ABTB3: variants seen among roughly 807,000 people sequenced by gnomAD.
The protein encoded by ABTB3 is ankyrin repeat- and BTB/POZ domain-containing protein 3.
the ABTB3 span, chr12:107,319,035 C>T: frequency 6.2e-6 from 10 of 1,613,820 alleles, no homozygotes; most frequent in Non-Finnish European, 8.5e-6. Context: ...GTGCGCTCCT[C>T]CAACTTGTCT....
the ABTB3 span, among the ~76,000 whole-genome samples, chr12:107,511,820 C>CT: frequency 6.6e-6 from 1 of 152,134 alleles, no homozygotes; most frequent in Non-Finnish European, 1.5e-5. Flanking sequence ...GAATCAGAGA[C>CT]TGGAAAGCAT....
chr12:107,563,947 A>G, the ABTB3 span, among the ~76,000 whole-genome samples: 3 of 152,212 alleles, frequency 2.0e-5, no homozygotes, highest in Non-Finnish European at 4.4e-5. Context: ...CTATAATTGG[A>G]CGACCAGATT....
At chr12:107,432,342 G>C in the ABTB3 span, among the ~76,000 whole-genome samples, 1 of 152,190 alleles carries the variant, frequency 6.6e-6, no homozygotes, top group South Asian at 2.1e-4. Flanking sequence ...AGACACTGTG[G>C]TACATTTTTA....
chr12:107,628,173 T>G, the ABTB3 span, among the ~76,000 whole-genome samples: 5 of 152,092 alleles, frequency 3.3e-5, no homozygotes, highest in Admixed American at 3.3e-4. Flanking sequence ...GGACTTTCAC[T>G]CTTGTCACTC....
the ABTB3 span, among the ~76,000 whole-genome samples, chr12:107,618,833 C>G: frequency 6.6e-6 from 1 of 152,226 alleles, no homozygotes; most frequent in Non-Finnish European, 1.5e-5. Context: ...GCACCCAACT[C>G]CACGAAGCAG....
At chr12:107,541,208 G>T in the ABTB3 span, among the ~76,000 whole-genome samples, 1 of 152,200 alleles carries the variant, frequency 6.6e-6, no homozygotes, top group Non-Finnish European at 1.5e-5. Flanking sequence ...AGCCTTCGGA[G>T]GAGAAACTCC....
At chr12:107,425,048 C>T in the ABTB3 span, among the ~76,000 whole-genome samples, 1 of 152,156 alleles carries the variant, frequency 6.6e-6, no homozygotes, top group Non-Finnish European at 1.5e-5. Context: ...TCATCTCACA[C>T]CCTCGATTGC....
At chr12:107,326,488 C>T in the ABTB3 span, among the ~76,000 whole-genome samples, 2 of 152,214 alleles carry the variant, frequency 1.3e-5, no homozygotes, top group Non-Finnish European at 2.9e-5. Flanking sequence ...AGGGACTTAA[C>T]GTTGCTTGTG....
chr12:107,587,745 T>C, the ABTB3 span, among the ~76,000 whole-genome samples: 2 of 152,200 alleles, frequency 1.3e-5, no homozygotes, highest in Non-Finnish European at 2.9e-5. Flanking sequence ...ACTGCCCTTG[T>C]GTGAAATACA....
At chr12:107,642,114 G>T in the ABTB3 span, 1 of 1,614,028 alleles carries the variant, frequency 6.2e-7, no homozygotes, top group Non-Finnish European at 8.5e-7. Flanking sequence ...TCTCCAGCAA[G>T]CCGACAAATG....
chr12:107,538,437 G>A, the ABTB3 span, among the ~76,000 whole-genome samples: 13 of 152,210 alleles, frequency 8.5e-5, no homozygotes, highest in African/African-American at 3.1e-4. Flanking sequence ...ACTAGCTGTT[G>A]GTTTGCTGTC....
chr12:107,544,892 C>G, the ABTB3 span, among the ~76,000 whole-genome samples: 1 of 152,212 alleles, frequency 6.6e-6, no homozygotes, highest in Non-Finnish European at 1.5e-5. Flanking sequence ...GGAAAGGCAT[C>G]TGCAAAATAG....
the ABTB3 span, among the ~76,000 whole-genome samples, chr12:107,484,521 T>C: frequency 1.3e-5 from 2 of 151,914 alleles, no homozygotes; most frequent in African/African-American, 4.8e-5. Context: ...CTTGCAGGCA[T>C]TGTAAGGACT....
chr12:107,650,102 A>G, the ABTB3 span: 1 of 152,216 alleles, frequency 6.6e-6, no homozygotes, highest in Non-Finnish European at 1.5e-5. Context: ...GACACAATCA[A>G]CTGTTCAAGA....
chr12:107,382,646 A>T, the ABTB3 span, among the ~76,000 whole-genome samples: 2 of 151,962 alleles, frequency 1.3e-5, no homozygotes, highest in East Asian at 3.9e-4. Context: ...CATCCTCAGC[A>T]AACTAACAAA....
chr12:107,601,195 A>G, the ABTB3 span, among the ~76,000 whole-genome samples: 2 of 152,028 alleles, frequency 1.3e-5, no homozygotes, highest in Non-Finnish European at 2.9e-5. Context: ...AGGCTTAGAG[A>G]GTTTTTTTCA....
At chr12:107,501,127 G>A in the ABTB3 span, among the ~76,000 whole-genome samples, 2 of 152,166 alleles carry the variant, frequency 1.3e-5, no homozygotes, top group Non-Finnish European at 2.9e-5. Flanking sequence ...GCAGAGGGAT[G>A]TTGTAAGGAT....
At chr12:107,581,101 G>A in the ABTB3 span, 39 of 1,545,356 alleles carry the variant, frequency 2.5e-5, no homozygotes, top group Admixed American at 2.0e-4. Flanking sequence ...GGCAGCCCCT[G>A]CCTCCGGGGA....
At chr12:107,348,997 C>T in the ABTB3 span, among the ~76,000 whole-genome samples, 2 of 152,152 alleles carry the variant, frequency 1.3e-5, no homozygotes, top group African/African-American at 4.8e-5. Flanking sequence ...TGGCACTTAG[C>T]TTCCATCTTG....
Sources: allele counts gnomAD v4.1 joint callset (sites outside exome capture counted in the v4.1 genomes callset), GRCh38; gene constraint gnomAD v4.1.1; transcripts MANE v1.5; gene names NCBI Gene and HGNC (gene_info 2026-07-23, HGNC 2026-07-21).